ARMC3: variants seen among roughly 807,000 people sequenced by gnomAD.
The protein encoded by ARMC3 is armadillo repeat-containing protein 3.
In ARMC3, 74 loss-of-function variants were observed where a neutral mutation model predicts 90.3. The ratio of observed to expected loss-of-function variants is 0.82; its 90% CI spans 0.68 to 0.99. The LOEUF is 0.99. ARMC3 is among the 50% of genes least tolerant of loss of function. ARMC3 has a pLI of 0.00. For missense variants in ARMC3, 958 were observed against 1,042.8 expected, an observed-to-expected ratio of 0.92 and a Z score of 1.12; for synonymous variants, 334 against 361.8, an observed-to-expected ratio of 0.92 and a Z score of 0.87.
At chr10:22,994,427 G>A (rs929706312) in intron 10 of ARMC3, among the ~76,000 whole-genome samples, 6 of 152,208 alleles carry the variant, frequency 3.9e-5, no homozygotes, top group Non-Finnish European at 7.4e-5. Context: ...GCCAGGCATG[G>A]CGGCTCACTC....
At chr10:23,035,864 C>T (rs543976156) in intron 18 of ARMC3, among the ~76,000 whole-genome samples, 39 of 152,260 alleles carry the variant, frequency 2.6e-4, no homozygotes, top group Admixed American at 2.4e-3. Context: ...CTTCCATCTG[C>T]ACTGCTCCCC....
intron 2 of ARMC3, among the ~76,000 whole-genome samples, chr10:22,944,458 C>T (rs1292523122): frequency 6.6e-6 from 1 of 152,120 alleles, no homozygotes; most frequent in Non-Finnish European, 1.5e-5. Context: ...GAAGTTCTAC[C>T]ACATCCATGG....
intron 8 of ARMC3, among the ~76,000 whole-genome samples, chr10:22,978,311 G>A (rs1836027214): frequency 6.6e-6 from 1 of 152,212 alleles, no homozygotes; most frequent in Non-Finnish European, 1.5e-5. Flanking sequence ...AATCATGGCA[G>A]TAAGCACCTC....
chr10:23,016,433 G>C (rs1376127452), intron 16 of ARMC3, among the ~76,000 whole-genome samples: 1 of 152,150 alleles, frequency 6.6e-6, no homozygotes, highest in Non-Finnish European at 1.5e-5. Flanking sequence ...TATGAATGTA[G>C]AAAAATAACC....
intron 3 of ARMC3, among the ~76,000 whole-genome samples, chr10:22,954,909 C>G (rs1161461274): frequency 6.6e-6 from 1 of 152,006 alleles, no homozygotes; most frequent in African/African-American, 2.4e-5. Flanking sequence ...CATGTGCAAG[C>G]TGGAGAATAA....
In ARMC3 at chr10:23,030,577, C is replaced by T. The variant is rs377161496; in HGVS notation, c.2046-19C>T. 56 of 1,600,048 alleles carry T rather than the reference C, an allele frequency of 3.5e-5. No individual in the cohort carries two copies. The highest frequency in any genetic ancestry group is 3.3e-4 in the Middle Eastern group (2 of 6,054). On this transcript the variant is annotated intron_variant, in intron 16 of 18. Transcript: ENST00000298032. ...TTAGCAGAAGATGTGATTTTGATTGCCCTTGTTTACTTTCAAAGGAAAAGC... is the reference window on the plus strand; with the variant it reads ...TTAGCAGAAGATGTGATTTTGATTGTCCTTGTTTACTTTCAAAGGAAAAGC...
At chr10:22,959,712 G>T in intron 6 of ARMC3, 138 bp downstream of exon 6, 1 of 838,882 alleles carries the variant, frequency 1.2e-6, no homozygotes, top group Non-Finnish European at 1.8e-6. Flanking sequence ...TTATCATTCA[G>T]AGAAAAAAAT....
chr10:22,965,079 G>A (rs1353397904), intron 7 of ARMC3, among the ~76,000 whole-genome samples: 1 of 152,028 alleles, frequency 6.6e-6, no homozygotes, highest in East Asian at 1.9e-4. Flanking sequence ...ATGTGTTTGT[G>A]TAGTACCTAT....
intron 16 of ARMC3, among the ~76,000 whole-genome samples, chr10:23,017,442 G>GT (rs1193779537): frequency 9.2e-5 from 14 of 152,140 alleles, no homozygotes; most frequent in African/African-American, 3.4e-4. Context: ...TACTGCTAGT[G>GT]TAACAGATGC....
chr10:22,962,435 C>G (rs1387564201), intron 7 of ARMC3, among the ~76,000 whole-genome samples: 1 of 152,118 alleles, frequency 6.6e-6, no homozygotes, highest in Non-Finnish European at 1.5e-5. Context: ...AGCTAAATGT[C>G]CATAGTTGCT....
intron 16 of ARMC3, among the ~76,000 whole-genome samples, chr10:23,025,340 C>G (rs1838675131): frequency 6.6e-6 from 1 of 151,784 alleles, no homozygotes; most frequent in East Asian, 1.9e-4. Context: ...TCACGAATAC[C>G]CTGAGCCATA....
intron 2 of ARMC3, among the ~76,000 whole-genome samples, chr10:22,940,987 TA>T (rs2131163802): frequency 6.6e-6 from 1 of 152,242 alleles, no homozygotes; most frequent in African/African-American, 2.4e-5. Flanking sequence ...CAAATCGTGA[TA>T]TACAATGGGA....
At chr10:23,031,791 G>T (rs1002730812) in intron 17 of ARMC3, among the ~76,000 whole-genome samples, 2 of 151,968 alleles carry the variant, frequency 1.3e-5, no homozygotes, top group Non-Finnish European at 2.9e-5. Context: ...GCAGAGATAT[G>T]TCCCCATGGC....
chr10:23,011,639 C>T (rs1838018445), intron 16 of ARMC3, among the ~76,000 whole-genome samples: 1 of 152,218 alleles, frequency 6.6e-6, no homozygotes, highest in Non-Finnish European at 1.5e-5. Context: ...ACTCCCTCCA[C>T]CTGCATGGTA....
intron 17 of ARMC3, chr10:23,031,300 G>T: frequency 6.2e-6 from 1 of 161,860 alleles, no homozygotes; most frequent in Non-Finnish European, 1.4e-5. Flanking sequence ...CAGGCTCAGG[G>T]CTCTGTATAA....
intron 3 of ARMC3, among the ~76,000 whole-genome samples, chr10:22,950,899 A>G (rs1008552133): frequency 6.6e-6 from 1 of 152,106 alleles, no homozygotes. Flanking sequence ...TCATTTTATA[A>G]TGATAAAGGG....
At chr10:22,943,144 G>C (rs967713340) in intron 2 of ARMC3, among the ~76,000 whole-genome samples, 1 of 152,144 alleles carries the variant, frequency 6.6e-6, no homozygotes, top group African/African-American at 2.4e-5. Context: ...TAATATTCTG[G>C]AAGATCAAGT....
At chr10:22,986,111 C>CCCCCCT (rs1836417340) in intron 10 of ARMC3, among the ~76,000 whole-genome samples, 1 of 116,282 alleles carries the variant, frequency 8.6e-6, no homozygotes, top group Admixed American at 8.4e-5. Context: ...GCACTGCACG[C>CCCCCCT]CCCCCCCCCG....
At position 22,981,643 on chromosome 10, in the gene ARMC3, G is replaced by A. The variant is rs766987522; in HGVS notation, c.1118G>A (p.Arg373Gln). 38 of 1,613,996 alleles carry A rather than the reference G, an allele frequency of 2.4e-5. No individual in the cohort carries two copies. In the Middle Eastern group the frequency reaches 8.2e-4, roughly 35 times the overall value. ...QLLKSDNEEVREAAALALANL... is the reference protein window; with the variant it reads ...QLLKSDNEEVQEAAALALANL... ...CTAAAAAGTGACAATGAAGAGGTAC[G>A]GGAAGCAGCAGCTCTAGCCCTGGCA... Residue 373 changes from arginine to glutamine, a missense_variant, in exon 10 of 19, where the codon CGG becomes CAG. Arg to Gln is a conservative substitution (Grantham distance 43). Transcript: ENST00000298032.
Sources: allele counts gnomAD v4.1 joint callset (sites outside exome capture counted in the v4.1 genomes callset), GRCh38; gene constraint gnomAD v4.1.1; transcripts MANE v1.5; gene names NCBI Gene and HGNC (gene_info 2026-07-23, HGNC 2026-07-21).